Variants in CACNA2D3 observed in about 807,000 individuals in gnomAD.
CACNA2D3 encodes the protein calcium voltage-gated channel auxiliary subunit alpha2delta 3, also known as voltage-dependent calcium channel subunit alpha-2/delta-3.
A neutral mutation model predicts 160.6 loss-of-function variants in CACNA2D3; 60 were observed. The observed-to-expected ratio is 0.37, with a 90% confidence interval of 0.30 to 0.46. The LOEUF is 0.46. Among genes scored for constraint, CACNA2D3 ranks in the 20% least tolerant of loss-of-function variants. CACNA2D3 has a pLI of 1.00. For missense variants in CACNA2D3, 1,205 were observed against 1,365.0 expected (o/e 0.88, Z 1.85); for synonymous variants, 558 against 492.9 (o/e 1.13, Z -1.75).
intron 17 of CACNA2D3, among the ~76,000 whole-genome samples, chr3:54,868,710 C>T (rs1443595227): frequency 6.6e-6 from 1 of 152,116 alleles, no homozygotes; most frequent in Non-Finnish European, 1.5e-5. Context: ...GATTGTCTGA[C>T]ACCATCATAG....
At chr3:54,171,179 G>C (rs545982735) in intron 2 of CACNA2D3, among the ~76,000 whole-genome samples, 20 of 113,956 alleles carry the variant, frequency 1.8e-4, no homozygotes, top group Middle Eastern at 5.7e-3. Flanking sequence ...AGATGATCCG[G>C]GAAGTTGCTT....
At chr3:54,595,075 A>G (rs1286351945) in intron 9 of CACNA2D3, among the ~76,000 whole-genome samples, 1 of 152,218 alleles carries the variant, frequency 6.6e-6, no homozygotes, top group African/African-American at 2.4e-5. Context: ...GTTTTAAAAG[A>G]GTATCACTGA....
At chr3:54,926,211 A>G (rs1329230537) in intron 27 of CACNA2D3, among the ~76,000 whole-genome samples, 1 of 152,188 alleles carries the variant, frequency 6.6e-6, no homozygotes, top group Non-Finnish European at 1.5e-5. Flanking sequence ...TATAGCATGC[A>G]TTTTGAGCCA....
intron 5 of CACNA2D3, among the ~76,000 whole-genome samples, chr3:54,538,005 C>T (rs754557581): frequency 6.6e-6 from 1 of 152,164 alleles, no homozygotes; most frequent in Non-Finnish European, 1.5e-5. Context: ...CATTCACTAA[C>T]ATTTTTCACC....
At chr3:54,628,981 C>T (rs1318591127) in intron 10 of CACNA2D3, among the ~76,000 whole-genome samples, 1 of 152,212 alleles carries the variant, frequency 6.6e-6, no homozygotes, top group East Asian at 1.9e-4. Context: ...AATGCCTATC[C>T]CCTGAGAGCG....
intron 4 of CACNA2D3, among the ~76,000 whole-genome samples, chr3:54,475,067 T>C (rs564005441): frequency 1.8e-4 from 27 of 152,276 alleles, no homozygotes; most frequent in Admixed American, 1.2e-3. Flanking sequence ...GAAATCTAAG[T>C]AAGAGATTAC....
intron 2 of CACNA2D3, among the ~76,000 whole-genome samples, chr3:54,192,027 A>T (rs1700993988): frequency 6.6e-6 from 1 of 151,770 alleles, no homozygotes; most frequent in East Asian, 1.9e-4. Context: ...GCTGCCTTCT[A>T]GCACATTCAT....
chr3:54,704,030 T>C (rs1191453836), intron 11 of CACNA2D3, among the ~76,000 whole-genome samples: 1 of 152,184 alleles, frequency 6.6e-6, no homozygotes. Context: ...AAGCAAGTGG[T>C]TTTTCTTGTG....
chr3:54,149,295 A>ACACG (rs1700097023), intron 2 of CACNA2D3, among the ~76,000 whole-genome samples: 1 of 151,660 alleles, frequency 6.6e-6, no homozygotes, highest in African/African-American at 2.4e-5. Flanking sequence ...ACACACACAC[A>ACACG]CACATATGTG....
intron 13 of CACNA2D3, among the ~76,000 whole-genome samples, chr3:54,811,171 A>C (rs990843948): frequency 5.3e-5 from 8 of 152,200 alleles, no homozygotes; most frequent in Non-Finnish European, 7.3e-5. Flanking sequence ...CTCTGCCTGC[A>C]ATCCTAAGAG....
chr3:54,924,672 C>T, intron 27 of CACNA2D3: 3 of 1,614,156 alleles, frequency 1.9e-6, no homozygotes, highest in Non-Finnish European at 2.5e-6. Flanking sequence ...GTGGCAATTG[C>T]ATTTCCAGAG....
rs76232728 is a variant in CACNA2D3 at position 55,007,440 on chromosome 3, A to G, written c.2767-350A>G. 2.0e-3 allele frequency among the ~76,000 whole-genome samples: 301 copies of G among 152,310 alleles called. 1 individual carries two copies. Among genetic ancestry groups the G allele is most frequent in the African/African-American group, 7.0e-3 (289 of 41,572 alleles). On this transcript the variant is annotated intron_variant, in intron 32 of 37. Coordinates refer to ENST00000474759, the MANE Select transcript of CACNA2D3 (RefSeq NM_018398.3). ...TAAATTACCATTTGAAATTAGTTAT[A>G]TGATTCCAGCCCCCTCAGCATTAAG...
At chr3:54,500,222 T>C (rs1023225961) in intron 4 of CACNA2D3, among the ~76,000 whole-genome samples, 1 of 152,192 alleles carries the variant, frequency 6.6e-6, no homozygotes, top group African/African-American at 2.4e-5. Context: ...ACCCTCACTT[T>C]CTTTTGATTA....
chr3:54,443,045 G>A (rs1267782464), intron 4 of CACNA2D3, among the ~76,000 whole-genome samples: 8 of 152,142 alleles, frequency 5.3e-5, no homozygotes, highest in Non-Finnish European at 1.2e-4. Flanking sequence ...GGGGCTAAAT[G>A]GAACTTTTAA....
chr3:54,918,621 A>G (rs750562994), intron 27 of CACNA2D3: 2 of 1,614,140 alleles, frequency 1.2e-6, no homozygotes, highest in South Asian at 2.2e-5. Context: ...ACACAACGCC[A>G]GTGATGATGA....
Position 54,862,650 on chromosome 3 carries a change from A to T in CACNA2D3, c.1627-8889A>T, listed in dbSNP as rs538313951. Reference sequence around the variant, plus strand: ...CCTCAGCCATCTCAGAGATGGTGAGACTAGAGTCCACTGCCCAGGGACTAA... The same window carrying T: ...CCTCAGCCATCTCAGAGATGGTGAGTCTAGAGTCCACTGCCCAGGGACTAA... On this transcript the variant is annotated intron_variant, in intron 17 of 37. Coordinates refer to ENST00000474759, the MANE Select transcript of CACNA2D3 (RefSeq NM_018398.3). Among the ~76,000 whole-genome samples the T allele has an allele frequency of 6.6e-5, 10 of 152,236 alleles. No homozygotes were observed. In the South Asian group the frequency reaches 8.3e-4, roughly 13 times the overall value.
intron 2 of CACNA2D3, among the ~76,000 whole-genome samples, chr3:54,285,132 A>G (rs1203834985): frequency 2.0e-5 from 3 of 152,194 alleles, no homozygotes; most frequent in African/African-American, 7.2e-5. Flanking sequence ...AGGACGAGGC[A>G]TTGTCTCACT....
chr3:54,691,799 T>TTTGCAGTA (rs1217605747), intron 11 of CACNA2D3, among the ~76,000 whole-genome samples: 2 of 152,128 alleles, frequency 1.3e-5, no homozygotes, highest in Non-Finnish European at 2.9e-5. Context: ...AATGTTCACA[T>TTTGCAGTA]TTGCAGTATT....
intron 35 of CACNA2D3, among the ~76,000 whole-genome samples, chr3:55,021,707 A>G (rs367885317): frequency 5.1e-5 from 7 of 137,284 alleles, no homozygotes; most frequent in South Asian, 4.3e-4. Context: ...GTATATATAT[A>G]TGTGTGTGTA....
Sources: allele counts gnomAD v4.1 joint callset (sites outside exome capture counted in the v4.1 genomes callset), GRCh38; gene constraint gnomAD v4.1.1; transcripts MANE v1.5; gene names NCBI Gene and HGNC (gene_info 2026-07-23, HGNC 2026-07-21).